FGFR3: variants seen among roughly 807,000 people sequenced by gnomAD.
The protein encoded by FGFR3 is FGFR-3.
A neutral mutation model predicts 82.9 loss-of-function variants in FGFR3; 25 were observed. That is an observed-to-expected ratio of 0.30 (90% CI 0.22 to 0.42). FGFR3 has a LOEUF of 0.42. Among genes scored for constraint, FGFR3 ranks in the 10% least tolerant of loss-of-function variants. The pLI is 1.00. For synonymous variants in FGFR3, 620 were observed against 516.0 expected (o/e 1.20, Z -2.73); for missense variants, 1,026 against 1,161.0 (o/e 0.88, Z 1.69).
chr4:1,795,183 C>G (rs1414053110), intron 2 of FGFR3, among the ~76,000 whole-genome samples: 1 of 152,106 alleles, frequency 6.6e-6, no homozygotes, highest in Non-Finnish European at 1.5e-5. Flanking sequence ...TGACAGGGGC[C>G]GTCGGGAGGT....
chr4:1,795,124 TATGA>T (rs1350626657), intron 2 of FGFR3, among the ~76,000 whole-genome samples: 2 of 151,570 alleles, frequency 1.3e-5, no homozygotes, highest in Non-Finnish European at 2.9e-5. Context: ...TCATTTTTTT[TATGA>T]ATGAAAGTGG....
chr4:1,796,430 C>T (rs1290398781), intron 2 of FGFR3, among the ~76,000 whole-genome samples: 1 of 152,134 alleles, frequency 6.6e-6, no homozygotes, highest in African/African-American at 2.4e-5. Flanking sequence ...ATAGCTCCTA[C>T]CTGGCAATAC....
Position 1,799,798 on chromosome 4 carries a change from C to G in FGFR3, c.431C>G (p.Thr144Arg), listed in dbSNP as rs748192608. ...GACGGGGAGGACGAGGCTGAGGACACAGGTGTGGACACAGGTAGGAGCAGG... is the reference window on the plus strand; with the variant it reads ...GACGGGGAGGACGAGGCTGAGGACAGAGGTGTGGACACAGGTAGGAGCAGG... ...DEDGEDEAEDTGVDTGAPYWT... is the reference protein window; with the variant it reads ...DEDGEDEAEDRGVDTGAPYWT... Residue 144 changes from threonine (T) to arginine (R), a missense_variant, in exon 4 of 18, where the codon ACA becomes AGA. Thr to Arg is a moderately conservative substitution (Grantham distance 71, BLOSUM62 -1). Coordinates refer to ENST00000440486, the MANE Select transcript of FGFR3 (RefSeq NM_000142.5). 3 of 1,612,756 alleles carry G rather than the reference C, an allele frequency of 1.9e-6. No individual in the cohort carries two copies. The highest frequency in any genetic ancestry group is 2.5e-6 in the Non-Finnish European group (3 of 1,179,892).
intron 15 of FGFR3, 41 bp from the exon 16 acceptor site, chr4:1,806,505 C>T (rs774184266): frequency 1.4e-5 from 22 of 1,612,600 alleles, no homozygotes; most frequent in Non-Finnish European, 1.7e-5. Flanking sequence ...GGTGTCTGTC[C>T]TGGGAGTCTC....
At chr4:1,803,934 AC>A in intron 8 of FGFR3, 98 bp downstream of exon 8, 2 of 1,330,706 alleles carry the variant, frequency 1.5e-6, no homozygotes, top group East Asian at 2.3e-5. Flanking sequence ...CCTGTGACTT[AC>A]GGCCGTCCCG....
intron 2 of FGFR3, among the ~76,000 whole-genome samples, chr4:1,796,973 C>G (rs1413827486): frequency 1.3e-5 from 2 of 152,088 alleles, no homozygotes; most frequent in Non-Finnish European, 2.9e-5. Context: ...CATGTGGAGC[C>G]CAAGTTGAGG....
Position 1,803,695 on chromosome 4 carries a change from G to A in FGFR3, c.934G>A (p.Ala312Thr). 1 of 1,613,616 alleles carries A rather than the reference G, an allele frequency of 6.2e-7. No homozygotes were observed. The highest frequency in any genetic ancestry group is 8.5e-7 in the Non-Finnish European group (1 of 1,179,970). Residue 312 changes from alanine (A) to threonine (T), a missense_variant, in exon 8 of 18, where the codon GCG becomes ACG. Coordinates refer to ENST00000440486, the MANE Select transcript of FGFR3 (RefSeq NM_000142.5). The stretch of plus-strand genomic sequence containing the variant: ...TCGCTCTGCTCTCTCTTTGTAGACG[G>A]CGGGCGCTAACACCACCGACAAGGA... Reference protein sequence around the residue: ...GTPYVTVLKTAGANTTDKELE... With the variant: ...GTPYVTVLKTTGANTTDKELE...
At chr4:1,801,596 T>G (rs1375986608) in intron 5 of FGFR3, 24 bp from the exon 6 acceptor site, 1 of 1,597,542 alleles carries the variant, frequency 6.3e-7, no homozygotes, top group Non-Finnish European at 8.5e-7. Context: ...CTCCGCTCAC[T>G]CACCCGCCCG....
rs375687485 is a variant in FGFR3, at chr4:1,804,491, A to G, written c.1237A>G (p.Lys413Glu). Residue 413 changes from lysine (K) to glutamate (E), a missense_variant, in exon 9 of 18, where the codon AAG becomes GAG. Around this residue, in one of 9 missense-constraint regions of FGFR3, gnomAD observed 256 missense variants for 217.6 expected, o/e 1.18. Transcript: ENST00000440486. ...AGGCCTGGGCTCCCCCACCGTGCAC[A>G]AGATCTCCCGCTTCCCGCTCAAGCG... ...KKGLGSPTVH[K>E]ISRFPLKRQV... 51 of 1,612,660 alleles carry G rather than the reference A, an allele frequency of 3.2e-5. No individual in the cohort carries two copies. Among genetic ancestry groups the G allele is most frequent in the Non-Finnish European group, 4.2e-5 (50 of 1,179,872 alleles).
At position 1,799,512 on chromosome 4, in the gene FGFR3, T is replaced by C; in HGVS notation, c.368T>C (p.Val123Ala). 6.4e-7 allele frequency: 1 copy of C among 1,556,706 alleles called. No homozygotes were observed. Among genetic ancestry groups the C allele is most frequent in the South Asian group, 1.2e-5 (1 of 85,330 alleles). The change falls in exon 3 of 18, where the codon GTG (valine) becomes GCG (alanine). Residue 123 changes from valine (V) to alanine (A), a missense_variant. Coordinates refer to ENST00000440486, the MANE Select transcript of FGFR3 (RefSeq NM_000142.5). The part of the protein sequence containing the change: ...LTQRVLCHFS[V>A]RVTDAPSSGD... Reference sequence around the variant, plus strand: ...CAGCGCGTACTGTGCCACTTCAGTGTGCGGGTGACAGGTGAGCTCTGGGGC... The same window carrying C: ...CAGCGCGTACTGTGCCACTTCAGTGCGCGGGTGACAGGTGAGCTCTGGGGC...
At chr4:1,805,527 C>T (rs372361436) in intron 11 of FGFR3, 32 bp from the exon 12 acceptor site, 100 of 1,612,524 alleles carry the variant, frequency 6.2e-5, no homozygotes, top group African/African-American at 2.7e-4. Flanking sequence ...GCGCCGCCGC[C>T]GCCTGACACA....
chr4:1,805,852 A>T lies in FGFR3; in HGVS notation c.1748A>T (p.Lys583Met), dbSNP rs769341070. 34 of 1,612,520 alleles carry T rather than the reference A, an allele frequency of 2.1e-5. 1 individual carries two copies. The South Asian group carries it at 2.3e-4, about 11-fold the overall frequency. ...PGLDYSFDTC[K>M]PPEEQLTFKD... ...CTGGACTACTCCTTCGACACCTGCA[A>T]GCCGCCCGAGGAGCAGCTCACCTTC... Residue 583 changes from lysine to methionine, a missense_variant, in exon 13 of 18, where the codon AAG becomes ATG. Coordinates refer to ENST00000440486, the MANE Select transcript of FGFR3 (RefSeq NM_000142.5).
rs200186825 is a variant in FGFR3 at position 1,804,407 on chromosome 4, C to G, written c.1153C>G (p.Leu385Val). 2 of 1,613,000 alleles carry G rather than the reference C, an allele frequency of 1.2e-6. No individual in the cohort carries two copies. The highest frequency in any genetic ancestry group is 2.2e-5 in the East Asian group (1 of 44,892). ...CCTCAGCTACGGGGTGGGCTTCTTC[C>G]TGTTCATCCTGGTGGTGGCGGCTGT... ...GILSYGVGFFLFILVVAAVTL... is the reference protein window; with the variant it reads ...GILSYGVGFFVFILVVAAVTL... Residue 385 changes from leucine to valine, a missense_variant, in exon 9 of 18, where the codon CTG (leucine) becomes GTG (valine). Coordinates refer to ENST00000440486, the MANE Select transcript of FGFR3 (RefSeq NM_000142.5).
intron 3 of FGFR3, 101 bp downstream of exon 3, chr4:1,799,624 G>T: frequency 6.4e-7 from 1 of 1,551,346 alleles, no homozygotes; most frequent in Non-Finnish European, 8.7e-7. Flanking sequence ...CTGGTCATTG[G>T]TGGAGAGGAG....
rs370530264 is a variant in FGFR3 at position 1,803,760 on chromosome 4, C to T, written c.999C>T (p.Asp333=). 2.0e-5 allele frequency: 33 copies of T among 1,613,976 alleles called. No homozygotes were observed. Among genetic ancestry groups the T allele is most frequent in the Admixed American group, 1.0e-4 (6 of 60,010 alleles). ...VLSLHNVTFE[D]AGEYTCLAGN... ...CCTTGCACAACGTCACCTTTGAGGA[C>T]GCCGGGGAGTACACCTGCCTGGCGG... Residue 333 remains aspartate (D), a synonymous_variant, in exon 8 of 18, where the codon GAC becomes GAT. Transcript: ENST00000440486.
At chr4:1,804,294 G>GC (rs1461158492) in intron 8 of FGFR3, 36 bp from the exon 9 acceptor site, 2 of 1,553,312 alleles carry the variant, frequency 1.3e-6, no homozygotes, top group African/African-American at 1.4e-5. Flanking sequence ...GTGGGGGGGG[G>GC]GGCCAGGCCA....
chr4:1,800,984 C>T (rs934597778), intron 4 of FGFR3, among the ~76,000 whole-genome samples: 1 of 152,184 alleles, frequency 6.6e-6, no homozygotes, highest in Non-Finnish European at 1.5e-5. Context: ...GGGCTCCTCT[C>T]CTGGTAAACT....
chr4:1,799,963 G>C, intron 4 of FGFR3, 151 bp downstream of exon 4: 1 of 852,200 alleles, frequency 1.2e-6, no homozygotes, highest in Non-Finnish European at 1.8e-6. Flanking sequence ...ATACAGGAGG[G>C]GCTGGGTCAC....
intron 2 of FGFR3, 135 bp downstream of exon 2, chr4:1,794,178 C>T (rs1720184087): frequency 4.5e-6 from 2 of 444,104 alleles, no homozygotes; most frequent in Non-Finnish European, 7.5e-6. Context: ...ATTCCGCTGC[C>T]TCCTTGCCGG....
Sources: allele counts gnomAD v4.1 joint callset (sites outside exome capture counted in the v4.1 genomes callset), GRCh38; gene constraint gnomAD v4.1.1; regional missense constraint gnomAD v4.1.1; transcripts MANE v1.5; gene names NCBI Gene and HGNC (gene_info 2026-07-23, HGNC 2026-07-21).